The following DAB2IP variants were observed in gnomAD, a reference collection of about 807,000 sequenced individuals.
DAB2IP encodes DAB2 interacting protein.
In DAB2IP, 28 loss-of-function variants were observed where a neutral mutation model predicts 107.2. That is an observed-to-expected ratio of 0.26 (90% confidence interval 0.19 to 0.36). The LOEUF (loss-of-function observed/expected upper bound fraction) is 0.36. Ranked by LOEUF, DAB2IP falls within the 10% of genes least tolerant of loss-of-function variation. The probability of loss-of-function intolerance (pLI) is 1.00; values close to 1 mark genes in which losing one functional copy is unlikely to be tolerated. For missense variants in DAB2IP, 1,400 were observed against 1,644.7 expected (o/e 0.85, Z 2.57); for synonymous variants, 755 against 706.4 (o/e 1.07, Z -1.09).
intron 3 of DAB2IP, among the ~76,000 whole-genome samples, chr9:121,724,646 T>C (rs979095470): frequency 6.6e-6 from 1 of 152,212 alleles, no homozygotes; most frequent in African/African-American, 2.4e-5. Flanking sequence ...CAAACAAACA[T>C]TTAATTGTAC....
At chr9:121,710,616 G>A (rs1004976918) in intron 3 of DAB2IP, among the ~76,000 whole-genome samples, 6 of 152,290 alleles carry the variant, frequency 3.9e-5, no homozygotes, top group South Asian at 4.1e-4. Context: ...AGAAGGGGTC[G>A]TGGCTAGGCT....
intron 3 of DAB2IP, among the ~76,000 whole-genome samples, chr9:121,715,905 G>A (rs985544204): frequency 6.6e-6 from 1 of 152,202 alleles, no homozygotes; most frequent in Admixed American, 6.5e-5. Context: ...TTTCAGGAGT[G>A]GCAGCAGCAG....
intron 1 of DAB2IP, among the ~76,000 whole-genome samples, chr9:121,607,162 C>T (rs1266891040): frequency 6.6e-6 from 1 of 152,164 alleles, no homozygotes; most frequent in African/African-American, 2.4e-5. Flanking sequence ...AGGAAGCCCC[C>T]TGTCCTTGTA....
chr9:121,777,493 A>T (rs745426699), intron 14 of DAB2IP, among the ~76,000 whole-genome samples: 1 of 152,228 alleles, frequency 6.6e-6, no homozygotes, highest in African/African-American at 2.4e-5. Context: ...ATGCTTTTCA[A>T]TTTAACTGCC....
At chr9:121,657,769 A>G (rs1833027737) in intron 1 of DAB2IP, among the ~76,000 whole-genome samples, 1 of 152,092 alleles carries the variant, frequency 6.6e-6, no homozygotes. Context: ...CCATCCTTCT[A>G]TTTAATTCTG....
At chr9:121,766,629 G>A (rs543758575) in exon 9 of DAB2IP, 66 of 1,614,076 alleles carry the variant, frequency 4.1e-5, no homozygotes, top group Admixed American at 2.2e-4. Context: ...CCATCATGTC[G>A]CCCTCACTCT....
intron 2 of DAB2IP, among the ~76,000 whole-genome samples, chr9:121,695,226 A>G (rs1829361812): frequency 6.6e-6 from 1 of 152,052 alleles, no homozygotes; most frequent in African/African-American, 2.4e-5. Context: ...ATGTTCATTC[A>G]TGTCCCTGTC....
In DAB2IP at chr9:121,705,279, ACCTGT is replaced by A. The variant is rs1830002683; in HGVS notation, c.362+5825_362+5829del. ...TCTTTTGTATGTGTTGCAAGTGTGC[ACCTGT>A]CCTCATGAAGATGTGTGTACATTAT... On this transcript the variant is annotated intron_variant, in intron 3 of 15. Coordinates refer to ENST00000408936, the Ensembl canonical transcript of DAB2IP. Among the ~76,000 whole-genome samples, 3 of 152,300 alleles carry A rather than the reference ACCTGT, an allele frequency of 2.0e-5. No individual in the cohort carries two copies. In the East Asian group the frequency reaches 5.8e-4, roughly 29 times the overall value.
chr9:121,680,865 C>G lies in DAB2IP; in HGVS notation c.228+2084C>G, dbSNP rs546987041. Among the ~76,000 whole-genome samples the G allele has an allele frequency of 1.6e-4, 25 of 152,066 alleles. No individual in the cohort carries two copies. The South Asian group carries it at 4.2e-3, about 25-fold the overall frequency. On this transcript the variant is annotated intron_variant, in intron 2 of 15. Coordinates refer to ENST00000408936, the Ensembl canonical transcript of DAB2IP. ...TCAAATAGTTCTCCCACCTCAGCCC[C>G]CCGAGTAGCTGGGATTACAGGAGCC...
chr9:121,743,745 A>G (rs1272977967), intron 3 of DAB2IP, among the ~76,000 whole-genome samples: 1 of 152,210 alleles, frequency 6.6e-6, no homozygotes, highest in Non-Finnish European at 1.5e-5. Context: ...TTAGAATAAG[A>G]GAGGCTGGGA....
intron 1 of DAB2IP, among the ~76,000 whole-genome samples, chr9:121,676,886 G>A (rs965883029): frequency 1.3e-5 from 2 of 152,194 alleles, no homozygotes; most frequent in African/African-American, 2.4e-5. Flanking sequence ...ACGCTGTTGT[G>A]GGGGAACCAG....
chr9:121,741,369 G>A (rs1179793905), intron 3 of DAB2IP, among the ~76,000 whole-genome samples: 1 of 152,228 alleles, frequency 6.6e-6, no homozygotes, highest in Non-Finnish European at 1.5e-5. Context: ...GACAAACCCA[G>A]AGAGGTCTGG....
At chr9:121,648,933 G>A (rs1361041190), upstream of DAB2IP, among the ~76,000 whole-genome samples, 1 of 152,192 alleles carries the variant, frequency 6.6e-6, no homozygotes, top group African/African-American at 2.4e-5. Flanking sequence ...AGCCACAGGG[G>A]CGCCGGCGGG....
chr9:121,773,525 G>T, intron 12 of DAB2IP, 30 bp downstream of exon 12: 1 of 1,448,640 alleles, frequency 6.9e-7, no homozygotes, highest in South Asian at 1.6e-5. Context: ...GGGCAGGGCT[G>T]GGCACTTGGG....
chr9:121,705,728 C>T (rs899347938), intron 3 of DAB2IP, among the ~76,000 whole-genome samples: 2 of 152,230 alleles, frequency 1.3e-5, no homozygotes, highest in Admixed American at 1.3e-4. Flanking sequence ...CCTCCCCTCT[C>T]ACCTTCGGTT....
At chr9:121,725,582 G>A (rs969435288) in intron 3 of DAB2IP, among the ~76,000 whole-genome samples, 3 of 152,224 alleles carry the variant, frequency 2.0e-5, no homozygotes, top group Admixed American at 1.3e-4. Context: ...CCTGCTGTCT[G>A]ACAATGCAGA....
intron 1 of DAB2IP, among the ~76,000 whole-genome samples, chr9:121,577,347 A>T (rs1298640220): frequency 6.6e-6 from 1 of 152,164 alleles, no homozygotes; most frequent in Admixed American, 6.5e-5. Context: ...GGATGGCCGG[A>T]TCGCCAGCAC....
chr9:121,770,213 A>T (rs1324116366), intron 10 of DAB2IP, among the ~76,000 whole-genome samples: 1 of 152,170 alleles, frequency 6.6e-6, no homozygotes, highest in Non-Finnish European at 1.5e-5. Context: ...GGAGAGGTGG[A>T]GGTGTGGAAA....
At chr9:121,625,580 C>T (rs1831616714) in intron 1 of DAB2IP, among the ~76,000 whole-genome samples, 1 of 151,952 alleles carries the variant, frequency 6.6e-6, no homozygotes, top group South Asian at 2.1e-4. Flanking sequence ...GGCTTTGAAT[C>T]TCCCTTTGGC....
Sources: gnomAD v4.1 joint callset for allele counts (sites outside exome capture counted in the v4.1 genomes callset) on GRCh38, gnomAD v4.1.1 for gene constraint, MANE v1.5 for transcripts, NCBI Gene and HGNC (gene_info 2026-07-23, HGNC 2026-07-21) for gene names.